Variants in ANKRD28 observed in about 807,000 individuals in gnomAD.
ANKRD28 encodes ankyrin repeat domain 28.
ANKRD28 carries 44 observed loss-of-function variants against 126.5 expected under a neutral mutation model. The ratio of observed to expected loss-of-function variants is 0.35; its 90% CI spans 0.27 to 0.45. The LOEUF is 0.45. Ranked by LOEUF, ANKRD28 falls within the 20% of genes least tolerant of loss-of-function variation. ANKRD28 has a pLI of 1.00. For missense variants in ANKRD28, 1,110 were observed against 1,316.6 expected (o/e 0.84, Z 2.43); for synonymous variants, 442 against 468.5 (o/e 0.94, Z 0.73).
chr3:15,742,799 G>A (rs1482387799), intron 4 of ANKRD28, among the ~76,000 whole-genome samples: 2 of 145,858 alleles, frequency 1.4e-5, no homozygotes, highest in South Asian at 4.5e-4. Flanking sequence ...CGGGAGGTGA[G>A]GGGCGCCTCT....
intron 1 of ANKRD28, among the ~76,000 whole-genome samples, chr3:15,852,375 C>T (rs2061671274): frequency 6.6e-6 from 1 of 152,164 alleles, no homozygotes; most frequent in Non-Finnish European, 1.5e-5. Flanking sequence ...AACTCTTATT[C>T]TAAGTTTCTG....
At chr3:15,763,125 T>C (rs942650144) in intron 3 of ANKRD28, among the ~76,000 whole-genome samples, 1 of 152,286 alleles carries the variant, frequency 6.6e-6, no homozygotes, top group African/African-American at 2.4e-5. Flanking sequence ...CAGCTAATTT[T>C]ACTCCAAACC....
At chr3:15,731,605 A>G (rs2074600799) in intron 6 of ANKRD28, among the ~76,000 whole-genome samples, 1 of 152,150 alleles carries the variant, frequency 6.6e-6, no homozygotes, top group Admixed American at 6.5e-5. Flanking sequence ...ACCACCATAC[A>G]CCAAGCTTTC....
At chr3:15,687,380 A>C (rs1237992804) in intron 18 of ANKRD28, among the ~76,000 whole-genome samples, 1 of 152,148 alleles carries the variant, frequency 6.6e-6, no homozygotes, top group Non-Finnish European at 1.5e-5. Flanking sequence ...CCATCTAAAG[A>C]ATGCATGTGT....
At chr3:15,743,291 C>T (rs367636500) in intron 4 of ANKRD28, among the ~76,000 whole-genome samples, 324 of 152,226 alleles carry the variant, frequency 2.1e-3, no homozygotes, top group Admixed American at 5.6e-3. Context: ...GACCCTCCCT[C>T]CACTATTGTC....
At chr3:15,790,620 T>C (rs1205287961) in intron 2 of ANKRD28, among the ~76,000 whole-genome samples, 2 of 152,080 alleles carry the variant, frequency 1.3e-5, no homozygotes, top group Non-Finnish European at 2.9e-5. Flanking sequence ...CTCAAAAAAC[T>C]GGATATGGAA....
chr3:15,714,459 T>C, intron 9 of ANKRD28, 119 bp downstream of exon 9: 2 of 700,432 alleles, frequency 2.9e-6, no homozygotes, highest in Non-Finnish European at 4.6e-6. Context: ...TGAAATCATG[T>C]ATTAAAAATA....
intron 8 of ANKRD28, among the ~76,000 whole-genome samples, chr3:15,718,998 G>A (rs1393831104): frequency 6.6e-6 from 1 of 152,080 alleles, no homozygotes; most frequent in Non-Finnish European, 1.5e-5. Flanking sequence ...AAAATAAGCA[G>A]TTCAAACCTG....
Position 15,765,500 on chromosome 3 carries a change from T to C in ANKRD28, c.280+734A>G, listed in dbSNP as rs544371869. ...CCTCCACCTAGGAGAACTGCAACCA[T>C]CTCCTATAATTCTGTGCTCAATGAG... On this transcript the variant is annotated intron_variant, in intron 3 of 27. Transcript: ENST00000683139. Among the ~76,000 whole-genome samples the C allele has an allele frequency of 4.6e-5, 7 of 152,218 alleles. No individual in the cohort carries two copies. In the South Asian group the frequency reaches 8.3e-4, roughly 18 times the overall value.
At chr3:15,732,406 T>A (rs2074700868) in intron 6 of ANKRD28, 2 of 152,358 alleles carry the variant, frequency 1.3e-5, no homozygotes, top group Non-Finnish European at 2.9e-5. Context: ...AGGTGGAAGA[T>A]GCTTCATGAG....
intron 2 of ANKRD28, among the ~76,000 whole-genome samples, chr3:15,791,645 A>C (rs980119367): frequency 1.3e-5 from 2 of 151,992 alleles, no homozygotes; most frequent in African/African-American, 4.8e-5. Context: ...AACTGAATCT[A>C]ATACAAGAAA....
chr3:15,779,737 T>C (rs2059456039), intron 2 of ANKRD28, among the ~76,000 whole-genome samples: 1 of 152,206 alleles, frequency 6.6e-6, no homozygotes, highest in Non-Finnish European at 1.5e-5. Context: ...TCCCTGTAGG[T>C]ATTTTAGAAT....
In ANKRD28 at chr3:15,755,295, T is replaced by C. The variant is rs1246122409; in HGVS notation, c.281-3475A>G. Reference sequence around the variant, plus strand: ...ATTCCCCCACCAACATTAGTTAACATGTGATTTACAATATAAACAGATAAA... The same window carrying C: ...ATTCCCCCACCAACATTAGTTAACACGTGATTTACAATATAAACAGATAAA... On this transcript the variant is annotated intron_variant, in intron 3 of 27. Coordinates refer to ENST00000683139, the MANE Select transcript of ANKRD28 (RefSeq NM_001349278.2). Among the ~76,000 whole-genome samples the C allele has an allele frequency of 3.9e-5, 6 of 152,322 alleles. No homozygotes were observed. The South Asian group carries it at 1.2e-3, about 32-fold the overall frequency.
chr3:15,826,907 T>C (rs2061079112), intron 1 of ANKRD28, among the ~76,000 whole-genome samples: 1 of 152,232 alleles, frequency 6.6e-6, no homozygotes, highest in Non-Finnish European at 1.5e-5. Flanking sequence ...GAGTTCTTCA[T>C]ACAGTTATGC....
In ANKRD28 at chr3:15,846,886, G is replaced by T. The variant is rs2061542103; in HGVS notation, c.27+12491C>A. Among the ~76,000 whole-genome samples the T allele has an allele frequency of 1.3e-5, 2 of 152,170 alleles. No individual in the cohort carries two copies. Among genetic ancestry groups the T allele is most frequent in the Non-Finnish European group, 2.9e-5 (2 of 68,022 alleles). On this transcript the variant is annotated intron_variant, in intron 1 of 27. Transcript: ENST00000399451. The surrounding 1 kb of genome is among the most constrained non-coding windows in gnomAD (Gnocchi z 5.4). ...GAGGTTTCTATTTGCCAGGACTAAA[G>T]TAACACTCAACACTTCTGCTTTATT...
intron 10 of ANKRD28, 102 bp from the exon 11 acceptor site, chr3:15,712,324 A>G: frequency 1.1e-6 from 1 of 908,646 alleles, no homozygotes; most frequent in Non-Finnish European, 1.7e-6. Context: ...GATAACTAAG[A>G]GCCAAAATGT....
At chr3:15,708,444 C>G (rs1199396072) in intron 13 of ANKRD28, among the ~76,000 whole-genome samples, 1 of 151,892 alleles carries the variant, frequency 6.6e-6, no homozygotes, top group Non-Finnish European at 1.5e-5. Flanking sequence ...GTAGCAATTT[C>G]TATTCATGTC....
intron 3 of ANKRD28, 82 bp from the exon 4 acceptor site, chr3:15,751,902 A>G (rs1404766081): frequency 3.3e-6 from 3 of 901,130 alleles, no homozygotes; most frequent in Non-Finnish European, 5.0e-6. Flanking sequence ...AGTTATATAT[A>G]ATCCAAATTG....
At chr3:15,819,016 G>A (rs538594163) in intron 1 of ANKRD28, among the ~76,000 whole-genome samples, 11 of 152,272 alleles carry the variant, frequency 7.2e-5, no homozygotes, top group East Asian at 5.8e-4. Context: ...ATTGGCTCAC[G>A]CCTATAATTC....
Sources: gnomAD v4.1 joint callset for allele counts (sites outside exome capture counted in the v4.1 genomes callset) on GRCh38, gnomAD v4.1.1 for gene constraint, Gnocchi (gnomAD v3.1) non-coding constraint, MANE v1.5 for transcripts, NCBI Gene and HGNC (gene_info 2026-07-23, HGNC 2026-07-21) for gene names.